The following HNRNPA3 variants were observed in gnomAD, a reference collection of about 807,000 sequenced individuals.
HNRNPA3 encodes epididymis secretory sperm binding protein.
A neutral mutation model predicts 45.8 loss-of-function variants in HNRNPA3; 3 were observed. That is an observed-to-expected ratio of 0.07 (90% CI 0.03 to 0.17). HNRNPA3 has a LOEUF of 0.17. HNRNPA3 is among the 10% of genes least tolerant of loss of function. The pLI, the probability that HNRNPA3 is intolerant of heterozygous loss-of-function variation, is 1.00. For missense variants in HNRNPA3, 183 were observed against 480.3 expected (o/e 0.38, Z 5.79); for synonymous variants, 170 against 155.6 (o/e 1.09, Z -0.69).
chr2:177,223,935 G>A (rs1229418745), downstream of HNRNPA3: 1 of 152,138 alleles, frequency 6.6e-6, no homozygotes, highest in African/African-American at 2.4e-5. Flanking sequence ...TTACCAGTAA[G>A]TAATAAAACA....
At chr2:177,214,130 C>T (rs1257723632) in intron 1 of HNRNPA3, among the ~76,000 whole-genome samples, 2 of 152,206 alleles carry the variant, frequency 1.3e-5, no homozygotes, top group South Asian at 2.1e-4. Context: ...AATGACAGTT[C>T]ATGCAATGTG....
rs747328792 is a variant in HNRNPA3, at chr2:177,215,735, CTT to C, written c.196-11_196-10del. The C allele has an allele frequency of 1.5e-5, 24 of 1,610,388 alleles. No individual in the cohort carries two copies. Among genetic ancestry groups the C allele is most frequent in the Admixed American group, 3.4e-5 (2 of 59,080 alleles). ...TGGAGGTGTTTTCAACGTTATAAAA[CTT>C]TTTATTTTGTAGGTAATGAGAGACC... On this transcript the variant is annotated splice_polypyrimidine_tract_variant and intron_variant, in intron 2 of 10. Transcript: ENST00000392524.
rs764971121 is a variant in HNRNPA3 at position 177,216,013 on chromosome 2, G to A, written c.378G>A (p.Lys126=). Residue 126 remains lysine, a synonymous_variant, in exon 4 of 11, where the codon AAG becomes AAA. Coordinates refer to ENST00000392524, the Ensembl canonical transcript of HNRNPA3. ...AGCCTGGTGCCCATCTAACAGTGAA[G>A]AAAATTTTTGTTGGTGGTATTAAAG... The A allele has an allele frequency of 2.0e-5, 32 of 1,599,804 alleles. No individual in the cohort carries two copies. In the South Asian group the frequency reaches 3.5e-4, roughly 17 times the overall value.
At chr2:177,215,954 C>T (rs972111327) in intron 3 of HNRNPA3, 24 bp from the exon 4 acceptor site, 5 of 1,597,618 alleles carry the variant, frequency 3.1e-6, no homozygotes, top group Non-Finnish European at 4.3e-6. Context: ...TGTTTCTTGA[C>T]TTAATATATT....
downstream of HNRNPA3, chr2:177,223,581 T>TAA (rs1689281496): frequency 1.3e-5 from 2 of 152,234 alleles, no homozygotes; most frequent in African/African-American, 4.8e-5. Flanking sequence ...GGCTTGGTTT[T>TAA]AAGAGTTCCA....
intron 1 of HNRNPA3, among the ~76,000 whole-genome samples, chr2:177,214,809 C>G (rs1439797327): frequency 2.0e-5 from 3 of 152,032 alleles, no homozygotes; most frequent in Non-Finnish European, 2.9e-5. Context: ...ACAAAACAAA[C>G]AAAAAAATTA....
chr2:177,218,945 C>G, intron 8 of HNRNPA3, 92 bp from the exon 9 acceptor site: 1 of 1,484,506 alleles, frequency 6.7e-7, no homozygotes. Context: ...AAGCATGCTA[C>G]CATAATTCTC....
chr2:177,216,315 A>T, intron 4 of HNRNPA3, 127 bp downstream of exon 4: 4 of 734,504 alleles, frequency 5.4e-6, no homozygotes, highest in Non-Finnish European at 8.9e-6. Flanking sequence ...CAATTTTCAT[A>T]GTGTCTGCCT....
chr2:177,217,977 G>C, intron 8 of HNRNPA3, 132 bp downstream of exon 8: 2 of 911,170 alleles, frequency 2.2e-6, no homozygotes, highest in Non-Finnish European at 3.1e-6. Context: ...TAAAATGGTT[G>C]GTAGTTCAAA....
At position 177,216,489 on chromosome 2, in the gene HNRNPA3, GAAAA is replaced by G. The variant is rs756377153; in HGVS notation, c.554-9_554-6del. Reference sequence around the variant, plus strand: ...AAATAACTTTTTGTTTTGTTTGATTGAAAAAAAATTTAGTTCAGAAATACCACAC... The same window carrying G: ...AAATAACTTTTTGTTTTGTTTGATTGAAAATTTAGTTCAGAAATACCACAC... On this transcript the variant is annotated splice_polypyrimidine_tract_variant and intron_variant, in intron 4 of 10. Coordinates refer to ENST00000392524, the Ensembl canonical transcript of HNRNPA3. 22 of 1,598,896 alleles carry G rather than the reference GAAAA, an allele frequency of 1.4e-5. No homozygotes were observed. The highest frequency in any genetic ancestry group is 1.9e-5 in the Non-Finnish European group (22 of 1,168,846).
chr2:177,218,219 G>A (rs1310233512), intron 8 of HNRNPA3, among the ~76,000 whole-genome samples: 2 of 151,880 alleles, frequency 1.3e-5, no homozygotes, highest in South Asian at 2.1e-4. Context: ...ATGCCAGCAC[G>A]CCCGGTTAAT....
intron 10 of HNRNPA3, 25 bp from the exon 11 acceptor site, chr2:177,219,383 T>C: frequency 8.3e-7 from 1 of 1,201,308 alleles, no homozygotes; most frequent in Non-Finnish European, 1.2e-6. Flanking sequence ...GTGTAATAAT[T>C]TTTTTATCCT....
At chr2:177,217,672 T>A in intron 7 of HNRNPA3, 33 bp from the exon 8 acceptor site, 1 of 1,611,746 alleles carries the variant, frequency 6.2e-7, no homozygotes, top group Non-Finnish European at 8.5e-7. Context: ...CACTTAAGTT[T>A]TTGTGTGGTC....
chr2:177,223,123 A>G (rs13029183), downstream of HNRNPA3: 13,410 of 152,412 alleles, frequency 0.088, 626 homozygotes, highest in Non-Finnish European at 0.11. Flanking sequence ...TAAATTATCA[A>G]TTCCCTACAT....
chr2:177,214,742 C>G (rs1688856440), intron 1 of HNRNPA3, among the ~76,000 whole-genome samples: 1 of 152,200 alleles, frequency 6.6e-6, no homozygotes, highest in African/African-American at 2.4e-5. Context: ...TTGCAGTGAG[C>G]CGAGATCGCG....
chr2:177,223,844 T>C (rs1689295051), downstream of HNRNPA3: 1 of 152,252 alleles, frequency 6.6e-6, no homozygotes, highest in Non-Finnish European at 1.5e-5. Flanking sequence ...CATTAAAATA[T>C]TTTTAGAAAT....
rs558122443 is a variant in HNRNPA3 at position 177,218,032 on chromosome 2, T to A, written c.961+187T>A. 8.0e-5 allele frequency among the ~76,000 whole-genome samples: 12 copies of A among 150,100 alleles called. No individual in the cohort carries two copies. The South Asian group carries it at 1.3e-3, about 16-fold the overall frequency. On this transcript the variant is annotated intron_variant, in intron 8 of 10. Transcript: ENST00000392524. ...CTGGTTATTTAGTAAAATGTACAAA[T>A]GTACTCAGCTCTCTTTTTTCTTTTT...
chr2:177,217,698 T>G lies in HNRNPA3; in HGVS notation c.821-7T>G, dbSNP rs200838705. Reference sequence around the variant, plus strand: ...TTGTGTGGTCTTGTTATTTGTTGTTTTTTTAGGTGGCAACTATGGCGGTGG... The same window carrying G: ...TTGTGTGGTCTTGTTATTTGTTGTTGTTTTAGGTGGCAACTATGGCGGTGG... On this transcript the variant is annotated splice_region_variant and splice_polypyrimidine_tract_variant and intron_variant, in intron 7 of 10. Coordinates refer to ENST00000392524, the Ensembl canonical transcript of HNRNPA3. 1,059 of 1,612,322 alleles carry G rather than the reference T, an allele frequency of 6.6e-4. No homozygotes were observed. The highest frequency in any genetic ancestry group is 9.5e-4 in the Admixed American group (57 of 60,014).
chr2:177,212,945 C>T (rs1379900578), intron 1 of HNRNPA3, 74 bp downstream of exon 1: 14 of 987,864 alleles, frequency 1.4e-5, no homozygotes, highest in Non-Finnish European at 1.8e-5. Context: ...AGCGGGGAGG[C>T]CGGGTGGACC....
Sources: allele counts gnomAD v4.1 joint callset (sites outside exome capture counted in the v4.1 genomes callset), GRCh38; gene constraint gnomAD v4.1.1; transcripts MANE v1.5; gene names NCBI Gene and HGNC (gene_info 2026-07-23, HGNC 2026-07-21).